Variants in SHD observed in about 807,000 individuals in gnomAD.
SHD encodes the protein SH2 domain-containing adapter protein D.
Under a neutral mutation model 31.2 loss-of-function variants are expected in SHD, and 29 were observed. The observed-to-expected ratio is 0.93, with a 90% CI of 0.69 to 1.27. The LOEUF is 1.27. SHD is among the 50% of genes most tolerant of loss of function. The pLI is 0.00. For missense variants in SHD, 520 were observed against 453.8 expected (o/e 1.15, Z -1.33); for synonymous variants, 208 against 187.8 (o/e 1.11, Z -0.88).
chr19:4,286,257 T>C lies in SHD; in HGVS notation c.716+1353T>C, dbSNP rs186531998. Among the ~76,000 whole-genome samples the C allele has an allele frequency of 1.7e-3, 216 of 124,102 alleles. 1 individual carries two copies. Among genetic ancestry groups the C allele is most frequent in the African/African-American group, 7.0e-3 (195 of 27,778 alleles). 81.4% of individuals were successfully genotyped at this position (124,102 alleles called of 152,430 possible). ...TTTCTTTCTTTCTTTCTTTCTTTCT[T>C]TCTCTCTTTCTTTCTTTCTTTCTTT... On this transcript the variant is annotated intron_variant, in intron 4 of 5. Coordinates refer to ENST00000543264, the MANE Select transcript of SHD (RefSeq NM_020209.4).
chr19:4,286,231 T>TTTCTTTTC (rs1309589434), intron 4 of SHD, among the ~76,000 whole-genome samples: 27 of 50,000 alleles, frequency 5.4e-4, no homozygotes, highest in South Asian at 1.5e-3. Context: ...TCTTTCTTTC[T>TTTCTTTTC]TTTCTTTCTT....
At chr19:4,283,479 G>T (rs188155008) in intron 3 of SHD, among the ~76,000 whole-genome samples, 132 of 152,262 alleles carry the variant, frequency 8.7e-4, no homozygotes, top group Admixed American at 2.9e-3. Flanking sequence ...TACTTATCCT[G>T]CTCAGTGTGG....
intron 1 of SHD, among the ~76,000 whole-genome samples, chr19:4,282,194 C>A (rs899871989): frequency 2.0e-5 from 3 of 151,940 alleles, no homozygotes; most frequent in Non-Finnish European, 4.4e-5. Flanking sequence ...CTGAAGCGGG[C>A]GGATCATCTG....
chr19:4,279,981 C>T lies in SHD; in HGVS notation c.-83C>T, dbSNP rs769351547. ...GCTCTTCCCTTCCTCTCCACCTCCT[C>T]CTCCTCCTTGGGGAAAGGGGCCCGG... On this transcript the variant is annotated 5_prime_UTR_variant, in exon 1 of 6. Transcript: ENST00000543264. This position sits in a 1 kb window ranked among gnomAD's most constrained non-coding sequence, Gnocchi z 7.5. The T allele has an allele frequency of 3.1e-4, 444 of 1,446,040 alleles. No homozygotes were observed. Among genetic ancestry groups the T allele is most frequent in the Non-Finnish European group, 3.7e-4 (408 of 1,088,698 alleles). The allele number at this position is 1,446,040 out of a possible 1,614,324, so 89.6% of individuals were successfully genotyped here.
Position 4,280,169 on chromosome 19 carries a change from G to T in SHD, c.106G>T (p.Ala36Ser), listed in dbSNP as rs1419195900. 4 of 1,613,696 alleles carry T rather than the reference G, an allele frequency of 2.5e-6. No homozygotes were observed. The highest frequency in any genetic ancestry group is 1.7e-5 in the Admixed American group (1 of 59,976). The change falls in exon 1 of 6, where the codon GCG becomes TCG. Residue 36 changes from alanine to serine, a missense_variant. Physicochemically the swap from Ala to Ser is moderately conservative, Grantham distance 99 (BLOSUM62 1). Coordinates refer to ENST00000543264, the MANE Select transcript of SHD (RefSeq NM_020209.4). The stretch of plus-strand genomic sequence containing the variant: ...GAGCGACATCCTGAGGGCCTACCGC[G>T]CGCAGAAGAACCTGGACTTCGAGGA... ...TESDILRAYR[A>S]QKNLDFEDPY... is the part of the protein sequence containing the mutation.
chr19:4,280,631 G>A (rs1159437237), intron 1 of SHD, among the ~76,000 whole-genome samples: 1 of 151,970 alleles, frequency 6.6e-6, no homozygotes, highest in African/African-American at 2.4e-5. Context: ...GGGTTCAAGC[G>A]ATTCTCCTGC....
At chr19:4,280,982 T>A (rs1971251678) in intron 1 of SHD, among the ~76,000 whole-genome samples, 1 of 151,166 alleles carries the variant, frequency 6.6e-6, no homozygotes, top group African/African-American at 2.4e-5. Flanking sequence ...CCTGGTGGGA[T>A]CTTCCTAAAA....
At chr19:4,284,313 A>G (rs950299598) in intron 3 of SHD, 1 of 152,354 alleles carries the variant, frequency 6.6e-6, no homozygotes, top group Non-Finnish European at 1.5e-5. Flanking sequence ...AAATAAACAA[A>G]TACATAAAAT....
chr19:4,284,650 C>A lies in SHD; in HGVS notation c.593-131C>A, dbSNP rs1275799656. 2.6e-6 allele frequency: 3 copies of A among 1,166,110 alleles called. No individual in the cohort carries two copies. In the Admixed American group the frequency reaches 8.7e-5, roughly 34 times the overall value. 72.2% of individuals were successfully genotyped at this position (1,166,110 alleles called of 1,614,324 possible). A position where few individuals can be genotyped will look rare whatever the true frequency, so the allele number is the denominator to read the frequency against. ...GGCCAATCCTGCCCCTGCCTTAAGC[C>A]CAGCCCCTGGGCTGTGATAGGTTGT... On this transcript the variant is annotated intron_variant, in intron 3 of 5. Coordinates refer to ENST00000543264, the MANE Select transcript of SHD (RefSeq NM_020209.4).
intron 4 of SHD, 37 bp from the exon 5 acceptor site, chr19:4,288,206 A>G (rs1377353166): frequency 6.2e-7 from 1 of 1,602,850 alleles, no homozygotes. Flanking sequence ...GTTTGAAGGG[A>G]ATGGCCCTTG....
chr19:4,290,629 CCT>C lies in SHD; in HGVS notation c.1020_1021del (p.Ter341ThrfsTer27). The stretch of plus-strand genomic sequence containing the variant: ...CTGTACCCCGTGGTCACGCAGACCC[CCT>C]GACAGTGACCCTCGGCCCCCTTTTG... On this transcript the variant is annotated frameshift_variant and stop_lost, in exon 6 of 6. Coordinates refer to ENST00000543264, the MANE Select transcript of SHD (RefSeq NM_020209.4). LOFTEE classifies it high-confidence loss of function. 1 of 1,595,686 alleles carries C rather than the reference CCT, an allele frequency of 6.3e-7. No homozygotes were observed. The highest frequency in any genetic ancestry group is 8.6e-7 in the Non-Finnish European group (1 of 1,168,148).
Position 4,290,439 on chromosome 19 carries a change from T to A in SHD, c.837-8T>A. On this transcript the variant is annotated splice_polypyrimidine_tract_variant and splice_region_variant and intron_variant, in intron 5 of 5. Coordinates refer to ENST00000543264, the MANE Select transcript of SHD (RefSeq NM_020209.4). ...TGCTCAGGAGTCCCTTTCTCCCTCATCGCCCAGGAGCAGCCAGGGCTTCCT... is the reference window on the plus strand; with the variant it reads ...TGCTCAGGAGTCCCTTTCTCCCTCAACGCCCAGGAGCAGCCAGGGCTTCCT... 2 of 1,606,354 alleles carry A rather than the reference T, an allele frequency of 1.2e-6. No individual in the cohort carries two copies. Among genetic ancestry groups the A allele is most frequent in the Non-Finnish European group, 1.7e-6 (2 of 1,175,926 alleles).
rs368711499 is a variant in SHD at position 4,280,132 on chromosome 19, G to T, written c.69G>T (p.Pro23=). 4 of 1,613,590 alleles carry T rather than the reference G, an allele frequency of 2.5e-6. No individual in the cohort carries two copies. In the African/African-American group the frequency reaches 5.3e-5, roughly 22 times the overall value. Reference sequence around the variant, plus strand: ...GGCCCCCTCCGCAGCCGCCCACCCCGGACTACACCGAGAGCGACATCCTGA... The same window carrying T: ...GGCCCCCTCCGCAGCCGCCCACCCCTGACTACACCGAGAGCGACATCCTGA... The part of the protein sequence containing the change: ...GRRPPPQPPT[P]DYTESDILRA... Residue 23 remains proline (P), a synonymous_variant, in exon 1 of 6, where the codon CCG becomes CCT. Transcript: ENST00000543264.
At position 4,285,889 on chromosome 19, in the gene SHD, C is replaced by CTTTTTTTTTTTTT. The variant is rs56142317; in HGVS notation, c.716+994_716+1006dup. Among the ~76,000 whole-genome samples, 128 of 87,374 alleles carry CTTTTTTTTTTTTT rather than the reference C, an allele frequency of 1.5e-3. 2 individuals are homozygous for CTTTTTTTTTTTTT. The highest frequency in any genetic ancestry group is 0.011 in the Middle Eastern group (1 of 90). 57.3% of individuals were successfully genotyped at this position (87,374 alleles called of 152,430 possible). A position where few individuals can be genotyped will look rare whatever the true frequency, so the allele number is the denominator to read the frequency against. ...TCTTCTCTTTCTTTTCTTTTCCTTT[C>CTTTTTTTTTTTTT]TTTTTTTTTTTTTTTTTTTTTGACA... On this transcript the variant is annotated intron_variant, in intron 4 of 5. Coordinates refer to ENST00000543264, the MANE Select transcript of SHD (RefSeq NM_020209.4).
At position 4,286,248 on chromosome 19, in the gene SHD, TTTC is replaced by T. The variant is rs1301890840; in HGVS notation, c.716+1347_716+1349del. Among the ~76,000 whole-genome samples, 477 of 112,874 alleles carry T rather than the reference TTTC, an allele frequency of 4.2e-3. 7 individuals carry two copies. Among genetic ancestry groups the T allele is most frequent in the African/African-American group, 0.016 (441 of 27,898 alleles). 74.0% of individuals were successfully genotyped at this position (112,874 alleles called of 152,430 possible). ...TTTCTTTCTTTTCTTTCTTTCTTTC[TTTC>T]TTTCTTTCTCTCTTTCTTTCTTTCT... is the stretch of plus-strand genomic sequence containing the variant. On this transcript the variant is annotated intron_variant, in intron 4 of 5. Transcript: ENST00000543264.
chr19:4,285,545 T>A (rs1971299767), intron 4 of SHD, among the ~76,000 whole-genome samples: 1 of 152,066 alleles, frequency 6.6e-6, no homozygotes, highest in African/African-American at 2.4e-5. Context: ...TCTCTTTTTT[T>A]CTTTCTCTTC....
At chr19:4,285,838 C>G (rs1426852548) in intron 4 of SHD, among the ~76,000 whole-genome samples, 1 of 150,692 alleles carries the variant, frequency 6.6e-6, no homozygotes, top group Non-Finnish European at 1.5e-5. Context: ...GTGAGCCACC[C>G]CGCCCGGCCC....
At chr19:4,284,095 G>T (rs1486524140) in intron 3 of SHD, among the ~76,000 whole-genome samples, 2 of 151,796 alleles carry the variant, frequency 1.3e-5, no homozygotes, top group Non-Finnish European at 2.9e-5. Context: ...TTTGAGGTCA[G>T]GAGTTCGAGA....
intron 1 of SHD, among the ~76,000 whole-genome samples, chr19:4,282,481 G>A (rs1426907652): frequency 1.3e-5 from 2 of 151,898 alleles, no homozygotes; most frequent in Non-Finnish European, 2.9e-5. Flanking sequence ...ATCCCAGCAC[G>A]TTGGGAGCCC....
Sources: gnomAD v4.1 joint callset for allele counts (sites outside exome capture counted in the v4.1 genomes callset) on GRCh38, gnomAD v4.1.1 for gene constraint, Gnocchi (gnomAD v3.1) non-coding constraint, MANE v1.5 for transcripts, NCBI Gene and HGNC (gene_info 2026-07-23, HGNC 2026-07-21) for gene names.